The following FSAF1 variants were observed in gnomAD, a reference collection of about 807,000 sequenced individuals.
FSAF1 encodes the protein uncharacterized protein C1orf131.
chr1:231,226,972 C>G, the FSAF1 span: 1 of 1,614,190 alleles, frequency 6.2e-7, no homozygotes, highest in Non-Finnish European at 8.5e-7. Context: ...CAGCCCCTCA[C>G]CTTAGCGCCC....
At chr1:231,231,915 C>G in the FSAF1 span, among the ~76,000 whole-genome samples, 1 of 152,140 alleles carries the variant, frequency 6.6e-6, no homozygotes, top group African/African-American at 2.4e-5. Flanking sequence ...GGCACAGACA[C>G]AGATACCTCG....
At chr1:231,224,380 A>C in the FSAF1 span, 1 of 1,612,466 alleles carries the variant, frequency 6.2e-7, no homozygotes, top group Non-Finnish European at 8.5e-7. Flanking sequence ...CGTCCATTTG[A>C]CAAAATACTG....
the FSAF1 span, chr1:231,239,080 G>C: frequency 1.2e-6 from 2 of 1,614,184 alleles, no homozygotes; most frequent in South Asian, 1.1e-5. Flanking sequence ...GAGAGAACCA[G>C]GTAGGGGAGA....
At chr1:231,225,181 G>C in the FSAF1 span, 4 of 485,012 alleles carry the variant, frequency 8.2e-6, no homozygotes, top group Non-Finnish European at 1.5e-5. Flanking sequence ...CTACGCTGCT[G>C]TAGCAGCACT....
At chr1:231,234,952 C>T in the FSAF1 span, among the ~76,000 whole-genome samples, 2 of 152,180 alleles carry the variant, frequency 1.3e-5, no homozygotes, top group Non-Finnish European at 2.9e-5. This position sits in a 1 kb window ranked among gnomAD's most constrained non-coding sequence, Gnocchi z 4.0. Context: ...ACCTCCCTGA[C>T]CACTACATCT....
the FSAF1 span, chr1:231,226,460 C>T: frequency 2.0e-6 from 1 of 495,304 alleles, no homozygotes; most frequent in South Asian, 2.4e-5. Context: ...AATCAGCCTC[C>T]TTTCTTTATA....
At chr1:231,238,726 T>G in the FSAF1 span, 2 of 829,118 alleles carry the variant, frequency 2.4e-6, no homozygotes, top group Non-Finnish European at 3.7e-6. Context: ...TCTTGGGTCC[T>G]GTGAGTCCTT....
chr1:231,230,667 C>T, the FSAF1 span, among the ~76,000 whole-genome samples: 1 of 152,166 alleles, frequency 6.6e-6, no homozygotes, highest in African/African-American at 2.4e-5. Flanking sequence ...TTCTGCTTAG[C>T]CTGGTTCCTC....
chr1:231,223,953 C>G, the FSAF1 span: 1 of 208,104 alleles, frequency 4.8e-6, no homozygotes, highest in South Asian at 1.8e-4. Context: ...ATTTACAAAA[C>G]AGTAAAGTTA....
the FSAF1 span, among the ~76,000 whole-genome samples, chr1:231,227,729 C>T: frequency 6.6e-6 from 1 of 151,638 alleles, no homozygotes; most frequent in Non-Finnish European, 1.5e-5. Flanking sequence ...GCTGGGACTA[C>T]AGGTACCTGC....
the FSAF1 span, chr1:231,239,024 TAAG>T: frequency 5.6e-6 from 9 of 1,614,014 alleles, no homozygotes; most frequent in African/African-American, 2.7e-5. Flanking sequence ...CGCTCTTCTC[TAAG>T]TTCCTTGAAG....
chr1:231,224,102 A>C, the FSAF1 span: 1 of 679,808 alleles, frequency 1.5e-6, no homozygotes, highest in Non-Finnish European at 2.3e-6. Context: ...CACGTTCAGC[A>C]CCATGAAGCA....
chr1:231,238,349 T>G, the FSAF1 span: 1 of 152,428 alleles, frequency 6.6e-6, no homozygotes, highest in African/African-American at 2.4e-5. Flanking sequence ...TTCTATACAT[T>G]TGGTTCACTG....
At chr1:231,239,202 C>A in the FSAF1 span, 1 of 1,527,102 alleles carries the variant, frequency 6.5e-7, no homozygotes, top group Non-Finnish European at 8.8e-7. Context: ...TTTGTTCAAA[C>A]ACAAGAAGGA....
the FSAF1 span, chr1:231,226,793 A>C: frequency 6.2e-7 from 1 of 1,610,706 alleles, no homozygotes; most frequent in Non-Finnish European, 8.5e-7. Context: ...GCTCCTGTAA[A>C]ACCTTGTAAT....
chr1:231,233,443 T>C, the FSAF1 span, among the ~76,000 whole-genome samples: 2 of 152,236 alleles, frequency 1.3e-5, no homozygotes, highest in African/African-American at 4.8e-5. Flanking sequence ...AAACTGAATA[T>C]ACTGAATATT....
At chr1:231,226,461 T>A in the FSAF1 span, 4 of 497,706 alleles carry the variant, frequency 8.0e-6, no homozygotes, top group East Asian at 1.4e-4. Flanking sequence ...ATCAGCCTCC[T>A]TTCTTTATAA....
At chr1:231,232,199 C>T in the FSAF1 span, among the ~76,000 whole-genome samples, 2 of 152,136 alleles carry the variant, frequency 1.3e-5, no homozygotes, top group Non-Finnish European at 2.9e-5. Context: ...CAGTGGTCTC[C>T]TCGGTTTTCT....
At chr1:231,239,169 T>C in the FSAF1 span, 1 of 1,574,824 alleles carries the variant, frequency 6.3e-7, no homozygotes, top group African/African-American at 1.4e-5. Flanking sequence ...TCTTCTGTTC[T>C]GTTTCACCTT....
Sources: gnomAD v4.1 joint callset for allele counts (sites outside exome capture counted in the v4.1 genomes callset) on GRCh38, gnomAD v4.1.1 for gene constraint, Gnocchi (gnomAD v3.1) non-coding constraint, MANE v1.5 for transcripts, NCBI Gene and HGNC (gene_info 2026-07-23, HGNC 2026-07-21) for gene names.